Variants in PCDHGB7 observed in about 807,000 individuals in gnomAD.
The protein encoded by PCDHGB7 is protocadherin gamma-B7.
A neutral mutation model predicts 61.4 loss-of-function variants in PCDHGB7; 37 were observed. That is an observed-to-expected ratio of 0.60 (90% CI 0.46 to 0.79). The LOEUF is 0.79. PCDHGB7 is among the 30% of genes least tolerant of loss of function. The pLI, the probability that PCDHGB7 is intolerant of heterozygous loss-of-function variation, is 0.00. For missense variants in PCDHGB7, 1,166 were observed against 1,202.5 expected (o/e 0.97, Z 0.45); for synonymous variants, 464 against 503.5 (o/e 0.92, Z 1.05).
chr5:141,431,560 C>T lies in PCDHGB7; in HGVS notation c.2415+11286C>T, dbSNP rs751276470. On this transcript the variant is annotated intron_variant, in intron 1 of 3. Coordinates refer to ENST00000398594, the MANE Select transcript of PCDHGB7 (RefSeq NM_018927.4). This position sits in a 1 kb window ranked among gnomAD's most constrained non-coding sequence, Gnocchi z 4.8. ...CGCAGCTGCTTGTAGTCAACGCTAC[C>T]GACCCTGACGAAGGAGTCAATGCGG... The T allele has an allele frequency of 6.2e-7, 1 of 1,614,104 alleles. No individual in the cohort carries two copies. The highest frequency in any genetic ancestry group is 1.7e-5 in the Admixed American group (1 of 60,036).
chr5:141,490,421 C>T lies in PCDHGB7; in HGVS notation c.2416-4386C>T. On this transcript the variant is annotated intron_variant, in intron 1 of 3. Coordinates refer to ENST00000398594, the MANE Select transcript of PCDHGB7 (RefSeq NM_018927.4). The surrounding 1 kb of genome is among the most constrained non-coding windows in gnomAD (Gnocchi z 5.4). ...AGCCTTGATATCTCTCCGGACCTGCCATTTCAGATTAAGCCTTCTGAGAAC... is the reference window on the plus strand; with the variant it reads ...AGCCTTGATATCTCTCCGGACCTGCTATTTCAGATTAAGCCTTCTGAGAAC... 1 of 1,614,192 alleles carries T rather than the reference C, an allele frequency of 6.2e-7. No homozygotes were observed. The highest frequency in any genetic ancestry group is 8.5e-7 in the Non-Finnish European group (1 of 1,180,016).
At chr5:141,446,295 G>A (rs146503397) in intron 1 of PCDHGB7, among the ~76,000 whole-genome samples, 1 of 152,196 alleles carries the variant, frequency 6.6e-6, no homozygotes, top group Non-Finnish European at 1.5e-5. Flanking sequence ...TGGGGAGCAG[G>A]GATTAAGAGT....
intron 1 of PCDHGB7, chr5:141,427,690 T>TC (rs1331581287): frequency 2.3e-6 from 2 of 881,240 alleles, no homozygotes; most frequent in Non-Finnish European, 3.7e-6. Context: ...GGAGCCTCCA[T>TC]CCCACAAGTC....
intron 1 of PCDHGB7, among the ~76,000 whole-genome samples, chr5:141,472,352 T>G (rs1364883510): frequency 6.6e-6 from 1 of 151,718 alleles, no homozygotes; most frequent in Non-Finnish European, 1.5e-5. Context: ...CCATCCTGGC[T>G]AACACGGTGA....
intron 1 of PCDHGB7, chr5:141,426,438 G>A (rs567163831): frequency 4.7e-5 from 14 of 300,110 alleles, no homozygotes; most frequent in Admixed American, 1.7e-4. Context: ...GGAACCTTGC[G>A]GAGGACATGC....
chr5:141,432,395 G>C lies in PCDHGB7; in HGVS notation c.2415+12121G>C, dbSNP rs748660079. The C allele has an allele frequency of 1.2e-6, 2 of 1,614,242 alleles. No homozygotes were observed. The highest frequency in any genetic ancestry group is 4.5e-5 in the East Asian group (2 of 44,882). On this transcript the variant is annotated intron_variant, in intron 1 of 3. Coordinates refer to ENST00000398594, the MANE Select transcript of PCDHGB7 (RefSeq NM_018927.4). The surrounding 1 kb of genome is among the most constrained non-coding windows in gnomAD (Gnocchi z 6.0). The stretch of plus-strand genomic sequence containing the variant: ...CGGGCACCCGCCCCTCAGCAGCAAC[G>C]TGTCGTTGAGCCTGTTCGTGCTGGA...
chr5:141,489,208 C>A lies in PCDHGB7; in HGVS notation c.2416-5599C>A. On this transcript the variant is annotated intron_variant, in intron 1 of 3. Coordinates refer to ENST00000398594, the MANE Select transcript of PCDHGB7 (RefSeq NM_018927.4). The surrounding 1 kb of genome is among the most constrained non-coding windows in gnomAD (Gnocchi z 4.5). The stretch of plus-strand genomic sequence containing the variant: ...GGTCTACCTTGGAGACAGGACAGCA[C>A]AGACTTACTCTCCACAAAGGGACTT... 1 of 1,451,152 alleles carries A rather than the reference C, an allele frequency of 6.9e-7. No individual in the cohort carries two copies. The highest frequency in any genetic ancestry group is 9.3e-7 in the Non-Finnish European group (1 of 1,072,112). 89.9% of individuals were successfully genotyped at this position (1,451,152 alleles called of 1,614,324 possible).
intron 1 of PCDHGB7, among the ~76,000 whole-genome samples, chr5:141,444,150 GGAT>G (rs2098419400): frequency 8.8e-6 from 1 of 114,014 alleles, no homozygotes; most frequent in African/African-American, 3.4e-5. Context: ...TGTGTGTACT[GGAT>G]TTTTTTTTTT....
At position 141,493,323 on chromosome 5, in the gene PCDHGB7, C is replaced by T. The variant is rs542332335; in HGVS notation, c.2416-1484C>T. Among the ~76,000 whole-genome samples the T allele has an allele frequency of 6.6e-6, 1 of 152,294 alleles. No homozygotes were observed. The highest frequency in any genetic ancestry group is 6.5e-5 in the Admixed American group (1 of 15,300). On this transcript the variant is annotated intron_variant, in intron 1 of 3. Transcript: ENST00000398594. The surrounding 1 kb of genome is among the most constrained non-coding windows in gnomAD (Gnocchi z 4.3). ...AGAGCAAGTAAGAGAGATTCTAACC[C>T]CTGTCTAACTCCAGAATGTGTGCTT...
At chr5:141,427,858 C>T in intron 1 of PCDHGB7, 1 of 1,555,500 alleles carries the variant, frequency 6.4e-7, no homozygotes, top group South Asian at 1.1e-5. Context: ...CAGCTGTGCG[C>T]CTTCGAGCTC....
rs142329128 is a variant in PCDHGB7, at chr5:141,439,495, C to T, written c.2415+19221C>T. Among the ~76,000 whole-genome samples the T allele has an allele frequency of 9.7e-4, 147 of 152,324 alleles. 1 individual carries two copies. The highest frequency in any genetic ancestry group is 3.4e-3 in the African/African-American group (140 of 41,568). ...TCAGCTTGCAAATTCCAGTGAGAAACGTCTTTCTCTCTGCTCTCAACTAAC... is the reference window on the plus strand; with the variant it reads ...TCAGCTTGCAAATTCCAGTGAGAAATGTCTTTCTCTCTGCTCTCAACTAAC... On this transcript the variant is annotated intron_variant, in intron 1 of 3. Coordinates refer to ENST00000398594, the MANE Select transcript of PCDHGB7 (RefSeq NM_018927.4).
Position 141,491,045 on chromosome 5 carries a change from A to G in PCDHGB7, c.2416-3762A>G, listed in dbSNP as rs1452139285. 2 of 1,613,970 alleles carry G rather than the reference A, an allele frequency of 1.2e-6. No individual in the cohort carries two copies. The highest frequency in any genetic ancestry group is 1.1e-5 in the South Asian group (1 of 91,090). On this transcript the variant is annotated intron_variant, in intron 1 of 3. Coordinates refer to ENST00000398594, the MANE Select transcript of PCDHGB7 (RefSeq NM_018927.4). This position sits in a 1 kb window ranked among gnomAD's most constrained non-coding sequence, Gnocchi z 6.9. ...GCCGTGGATGCTGATGCAGGCCACA[A>G]TGCGTGGCTCTCCTACTCACTGTTG...
chr5:141,438,627 TATATATATACAC>T (rs1324653166), intron 1 of PCDHGB7, among the ~76,000 whole-genome samples: 191 of 47,978 alleles, frequency 4.0e-3, no homozygotes, highest in African/African-American at 0.016. Flanking sequence ...TATATATATA[TATATATATACAC>T]ACACACACAC....
chr5:141,470,872 T>G, intron 1 of PCDHGB7, among the ~76,000 whole-genome samples: 1 of 151,814 alleles, frequency 6.6e-6, no homozygotes, highest in East Asian at 1.9e-4. Context: ...GTTTGTTTGT[T>G]TTTTTGTTTT....
At chr5:141,465,293 G>A (rs1407146382) in intron 1 of PCDHGB7, among the ~76,000 whole-genome samples, 2 of 152,258 alleles carry the variant, frequency 1.3e-5, no homozygotes, top group South Asian at 2.1e-4. Flanking sequence ...AAAGAACTGA[G>A]AGTCCTGGGA....
intron 3 of PCDHGB7, among the ~76,000 whole-genome samples, chr5:141,506,349 T>A (rs894933059): frequency 8.0e-5 from 12 of 150,304 alleles, no homozygotes; most frequent in Admixed American, 2.7e-4. Context: ...CTTGGGAGGC[T>A]GAGGCAGGAG....
intron 1 of PCDHGB7, chr5:141,423,194 C>T (rs1467994226): frequency 3.7e-6 from 6 of 1,613,588 alleles, no homozygotes; most frequent in South Asian, 1.1e-5. Context: ...CCCCCTCTCT[C>T]GGCCACCGTC....
intron 2 of PCDHGB7, among the ~76,000 whole-genome samples, chr5:141,501,365 A>G (rs1360125423): frequency 1.3e-5 from 2 of 151,500 alleles, no homozygotes; most frequent in Admixed American, 6.6e-5. Flanking sequence ...AACCATATTC[A>G]TCATCTCTTA....
At chr5:141,441,734 G>GAT in intron 1 of PCDHGB7, 1 of 364,808 alleles carries the variant, frequency 2.7e-6, no homozygotes, top group South Asian at 2.2e-5. Context: ...ACCAGGACTA[G>GAT]CTCGCGCTCG....
Sources: allele counts gnomAD v4.1 joint callset (sites outside exome capture counted in the v4.1 genomes callset), GRCh38; gene constraint gnomAD v4.1.1; non-coding constraint Gnocchi (gnomAD v3.1); transcripts MANE v1.5; gene names NCBI Gene and HGNC (gene_info 2026-07-23, HGNC 2026-07-21).